HDAC8: variants seen among roughly 807,000 people sequenced by gnomAD.
The protein encoded by HDAC8 is histone deacetylase 8.
HDAC8 carries 1 observed loss-of-function variant against 32.2 expected under a neutral mutation model. That is an observed-to-expected ratio of 0.03 (90% confidence interval 0.01 to 0.15). HDAC8 has a LOEUF of 0.15. Ranked by LOEUF, HDAC8 falls within the 10% of genes least tolerant of loss-of-function variation. HDAC8 has a pLI of 1.00. For missense variants in HDAC8, 117 were observed against 300.0 expected (o/e 0.39, Z 4.51); for synonymous variants, 108 against 113.9 (o/e 0.95, Z 0.33).
At chrX:72,455,140 AT>A (rs1218205248) in intron 9 of HDAC8, among the ~76,000 whole-genome samples, 1 of 112,043 alleles carries the variant, frequency 8.9e-6, no homozygotes, top group East Asian at 2.8e-4. Flanking sequence ...TTTGAATCTC[AT>A]GGTTTATGCT....
intron 7 of HDAC8, among the ~76,000 whole-genome samples, chrX:72,477,166 G>A (rs1012797284): frequency 1.8e-5 from 2 of 111,752 alleles, no homozygotes; most frequent in African/African-American, 3.3e-5. Flanking sequence ...CCTGGATAGC[G>A]ATGCCCTTGG....
At chrX:72,335,100 C>T (rs1308713260) in intron 10 of HDAC8, among the ~76,000 whole-genome samples, 2 of 111,675 alleles carry the variant, frequency 1.8e-5, no homozygotes, top group Non-Finnish European at 3.8e-5. Context: ...TATTTCCTTC[C>T]CCTTCCCCTA....
intron 4 of HDAC8, among the ~76,000 whole-genome samples, chrX:72,497,008 A>G (rs1198905538): frequency 9.0e-6 from 1 of 111,382 alleles, no homozygotes; most frequent in Non-Finnish European, 1.9e-5. Flanking sequence ...AAAGGACCAC[A>G]TTGCCCTGGC....
At chrX:72,375,978 T>G in intron 9 of HDAC8, among the ~76,000 whole-genome samples, 1 of 112,584 alleles carries the variant, frequency 8.9e-6, no homozygotes, top group East Asian at 2.8e-4. Flanking sequence ...ATTCCATTTT[T>G]TCTTGTTAGT....
rs782549426 is a variant in HDAC8, at chrX:72,553,335, C to T, written c.437+14554G>A. ...CTGGGATTACAGGTGTGAGCCACCG[C>T]GCCTGGCCAATAGCCACCATTTTTA... On this transcript the variant is annotated intron_variant, in intron 4 of 10. Transcript: ENST00000373573. Among the ~76,000 whole-genome samples, 9 of 111,715 alleles carry T rather than the reference C, an allele frequency of 8.1e-5. No individual in the cohort carries two copies. The South Asian group carries it at 1.1e-3, about 14-fold the overall frequency.
At chrX:72,487,521 T>C (rs1296012981) in intron 7 of HDAC8, among the ~76,000 whole-genome samples, 2 of 110,370 alleles carry the variant, frequency 1.8e-5, no homozygotes, top group African/African-American at 6.6e-5. Flanking sequence ...TAACCTTCAA[T>C]AGGGGCACAT....
chrX:72,495,316 G>C (rs1050555983), intron 4 of HDAC8, 48 bp from the exon 5 acceptor site: 1 of 888,721 alleles, frequency 1.1e-6, no homozygotes, highest in Middle Eastern at 2.7e-4. Context: ...AGCAATCCAA[G>C]GGAGTCTTTA....
intron 9 of HDAC8, among the ~76,000 whole-genome samples, chrX:72,406,793 T>A (rs782026905): frequency 8.9e-6 from 1 of 112,532 alleles, no homozygotes; most frequent in Non-Finnish European, 1.9e-5. Flanking sequence ...CATTAAAAAT[T>A]CAGTTCTTTA....
At chrX:72,397,763 T>G (rs2045801272) in intron 9 of HDAC8, among the ~76,000 whole-genome samples, 1 of 112,562 alleles carries the variant, frequency 8.9e-6, no homozygotes, top group Non-Finnish European at 1.9e-5. Context: ...AAACTTCTTT[T>G]GAAGTTGTTT....
intron 9 of HDAC8, among the ~76,000 whole-genome samples, chrX:72,378,513 T>C (rs1372535200): frequency 8.9e-6 from 1 of 111,829 alleles, no homozygotes; most frequent in Non-Finnish European, 1.9e-5. Context: ...ATGAGCTAAA[T>C]AAACCTCTTA....
At chrX:72,402,788 T>C (rs180782284) in intron 9 of HDAC8, among the ~76,000 whole-genome samples, 19 of 111,803 alleles carry the variant, frequency 1.7e-4, no homozygotes, top group Non-Finnish European at 3.2e-4. Flanking sequence ...TTTTTCTGTG[T>C]CCATTCTGTC....
chrX:72,330,573 G>A (rs1555940020), intron 10 of HDAC8, among the ~76,000 whole-genome samples: 1 of 111,695 alleles, frequency 9.0e-6, no homozygotes, highest in East Asian at 2.8e-4. Flanking sequence ...TCTCTTGTGA[G>A]TACCTGTGAA....
At position 72,538,298 on chromosome X, in the gene HDAC8, A is replaced by C. The variant is rs781818657; in HGVS notation, c.437+29591T>G. On this transcript the variant is annotated intron_variant, in intron 4 of 10. Transcript: ENST00000373573. The stretch of plus-strand genomic sequence containing the variant: ...TCCTGGGTTCAAGCGATTCTTGTGC[A>C]TCAACCTCCCGAGTAGCTGGGATTA... Among the ~76,000 whole-genome samples, 26 of 108,200 alleles carry C rather than the reference A, an allele frequency of 2.4e-4. No individual in the cohort carries two copies. In the East Asian group the frequency reaches 4.7e-3, roughly 19 times the overall value. 94.0% of individuals were successfully genotyped at this position (108,200 alleles called of 115,157 possible).
chrX:72,371,230 A>G (rs2044865701), intron 9 of HDAC8, among the ~76,000 whole-genome samples: 1 of 111,922 alleles, frequency 8.9e-6, no homozygotes, highest in Non-Finnish European at 1.9e-5. Context: ...AATATTGGCA[A>G]TTGTTGAAGC....
chrX:72,355,137 T>C (rs2044294894), intron 9 of HDAC8, among the ~76,000 whole-genome samples: 1 of 112,502 alleles, frequency 8.9e-6, no homozygotes, highest in South Asian at 3.7e-4. Context: ...CTGACTTCTC[T>C]CATAGTTTTC....
intron 9 of HDAC8, among the ~76,000 whole-genome samples, chrX:72,369,819 G>A (rs1019058622): frequency 2.7e-5 from 3 of 113,096 alleles, no homozygotes; most frequent in African/African-American, 9.6e-5. Context: ...TTATTGTGCT[G>A]TACTGTAATT....
At chrX:72,361,390 AATT>A (rs2044545064) in intron 9 of HDAC8, among the ~76,000 whole-genome samples, 1 of 111,478 alleles carries the variant, frequency 9.0e-6, no homozygotes, top group Non-Finnish European at 1.9e-5. Flanking sequence ...TAATTATTAT[AATT>A]ATTATTATTA....
chrX:72,511,128 A>G (rs1556021716), intron 4 of HDAC8, among the ~76,000 whole-genome samples: 1 of 111,792 alleles, frequency 8.9e-6, no homozygotes, highest in African/African-American at 3.2e-5. Context: ...TTACTAAGGC[A>G]AAAATGTATA....
intron 7 of HDAC8, chrX:72,474,218 C>G (rs1603013005): frequency 1.3e-6 from 1 of 745,271 alleles, no homozygotes; most frequent in Admixed American, 8.8e-5. Flanking sequence ...ATACCCACAG[C>G]ATTCTATCTC....
Sources: gnomAD v4.1 joint callset for allele counts (sites outside exome capture counted in the v4.1 genomes callset) on GRCh38, gnomAD v4.1.1 for gene constraint, MANE v1.5 for transcripts, NCBI Gene and HGNC (gene_info 2026-07-23, HGNC 2026-07-21) for gene names.